Variants in EYS observed in about 807,000 individuals in gnomAD.
The protein encoded by EYS is EGF-like photoreceptor maintenance factor.
A neutral mutation model predicts 282.1 loss-of-function variants in EYS; 250 were observed. The observed-to-expected ratio is 0.89, with a 90% CI of 0.80 to 0.98. EYS has a LOEUF of 0.98. EYS is among the 50% of genes least tolerant of loss of function. The pLI, the probability that EYS is intolerant of heterozygous loss-of-function variation, is 0.00. For missense variants in EYS, 4,016 were observed against 3,709.0 expected (o/e 1.08, Z -2.15); for synonymous variants, 1,355 against 1,282.9 (o/e 1.06, Z -1.20).
intron 31 of EYS, among the ~76,000 whole-genome samples, chr6:64,213,211 CT>C (rs1393001154): frequency 6.6e-6 from 1 of 152,006 alleles, no homozygotes; most frequent in Non-Finnish European, 1.5e-5. Flanking sequence ...ACATGTACCC[CT>C]GAACTTAAAA....
chr6:64,682,944 C>T (rs1451615490), intron 22 of EYS, among the ~76,000 whole-genome samples: 2 of 152,124 alleles, frequency 1.3e-5, no homozygotes, highest in African/African-American at 2.4e-5. Context: ...GCCAGTAACT[C>T]GGATACCTAA....
chr6:63,805,796 A>G (rs1464665062), intron 37 of EYS, among the ~76,000 whole-genome samples: 5 of 152,146 alleles, frequency 3.3e-5, no homozygotes, highest in Non-Finnish European at 7.4e-5. Flanking sequence ...CCCCTTTACT[A>G]GGCACGTCTT....
At chr6:64,269,006 C>T (rs1285373046) in intron 30 of EYS, among the ~76,000 whole-genome samples, 4 of 152,088 alleles carry the variant, frequency 2.6e-5, no homozygotes, top group African/African-American at 9.7e-5. Context: ...AATATATCTT[C>T]CACTGGCTGA....
intron 12 of EYS, among the ~76,000 whole-genome samples, chr6:65,271,242 G>T (rs1175764432): frequency 6.7e-6 from 1 of 149,468 alleles, no homozygotes; most frequent in East Asian, 2.0e-4. Context: ...ACCCAGAAAA[G>T]TTGGTGGCAT....
intron 8 of EYS, among the ~76,000 whole-genome samples, chr6:65,363,996 G>A (rs1764814858): frequency 6.6e-6 from 1 of 150,406 alleles, no homozygotes; most frequent in South Asian, 2.1e-4. Flanking sequence ...AATTATTGGG[G>A]CTTTATAATT....
intron 12 of EYS, among the ~76,000 whole-genome samples, chr6:65,101,825 C>T (rs1408737914): frequency 6.6e-6 from 1 of 151,146 alleles, no homozygotes; most frequent in Admixed American, 6.6e-5. Context: ...CATTTACAGC[C>T]TGGTGCTGAC....
At chr6:64,906,997 T>C (rs56033852) in intron 16 of EYS, among the ~76,000 whole-genome samples, 8,541 of 152,244 alleles carry the variant, frequency 0.056, 399 homozygotes, top group African/African-American at 0.13. Context: ...TCATGCATTT[T>C]ATTTGAAGTC....
intron 35 of EYS, among the ~76,000 whole-genome samples, chr6:63,891,282 A>C (rs77074614): frequency 2.0e-5 from 3 of 152,196 alleles, no homozygotes; most frequent in African/African-American, 7.2e-5. Context: ...AGACACAGCA[A>C]AAAAAGATCA....
chr6:65,117,097 G>A (rs956781132), intron 12 of EYS, among the ~76,000 whole-genome samples: 1 of 152,194 alleles, frequency 6.6e-6, no homozygotes, highest in Non-Finnish European at 1.5e-5. Context: ...TTAATTGCCA[G>A]ACTGCAACTC....
chr6:65,131,369 C>A (rs1482657656), intron 12 of EYS, among the ~76,000 whole-genome samples: 1 of 151,692 alleles, frequency 6.6e-6, no homozygotes, highest in African/African-American at 2.4e-5. Context: ...TGAAATCATA[C>A]CAAAGACAAT....
chr6:64,055,930 G>A (rs1374787322), intron 33 of EYS, among the ~76,000 whole-genome samples: 2 of 152,086 alleles, frequency 1.3e-5, no homozygotes, highest in African/African-American at 4.8e-5. Context: ...GCCAGTAAGT[G>A]CGGATTGTAG....
rs751746614 is a variant in EYS, at chr6:63,864,243, C to T, written c.7171G>A (p.Gly2391Arg). The change falls in exon 36 of 43, where the codon GGA becomes AGA. Residue 2391 changes from glycine to arginine, a missense_variant. Transcript: ENST00000503581. Reference protein sequence around the residue: ...GNGATCVPKSGTDIVCLCPYG... With the variant: ...GNGATCVPKSRTDIVCLCPYG... The stretch of plus-strand genomic sequence containing the variant: ...GGGCAGAGGCAGACAATATCTGTTC[C>T]GGATTTTGGAACACAGGTGGCACCA... The T allele has an allele frequency of 9.2e-5, 142 of 1,550,810 alleles. No homozygotes were observed. Among genetic ancestry groups the T allele is most frequent in the Non-Finnish European group, 1.1e-4 (121 of 1,146,578 alleles).
intron 29 of EYS, among the ~76,000 whole-genome samples, chr6:64,385,400 T>C (rs1772875489): frequency 6.6e-6 from 1 of 152,124 alleles, no homozygotes; most frequent in Admixed American, 6.6e-5. Context: ...TGACATAAAA[T>C]CTTTCAACTA....
intron 12 of EYS, among the ~76,000 whole-genome samples, chr6:65,230,997 C>T (rs1450606658): frequency 1.3e-5 from 2 of 149,262 alleles, no homozygotes; most frequent in African/African-American, 2.4e-5. Flanking sequence ...AACAAACCTC[C>T]ATGATACTAG....
intron 26 of EYS, among the ~76,000 whole-genome samples, chr6:64,570,021 A>G (rs1765676276): frequency 6.6e-6 from 1 of 152,232 alleles, no homozygotes; most frequent in Non-Finnish European, 1.5e-5. Context: ...TGAAGGAAAA[A>G]AATGTTAAGA....
intron 41 of EYS, among the ~76,000 whole-genome samples, chr6:63,727,737 A>AGTATATATATATATATAT (rs1421811302): frequency 2.7e-5 from 1 of 36,738 alleles, no homozygotes. Context: ...AAAAAAAAAA[A>AGTATATATATATATATAT]ATATATATAT....
At chr6:64,806,249 A>C (rs995175716) in intron 22 of EYS, among the ~76,000 whole-genome samples, 44 of 151,794 alleles carry the variant, frequency 2.9e-4, no homozygotes, top group Non-Finnish European at 1.8e-4. Flanking sequence ...AAACTAATTA[A>C]CTTAAAGCTA....
At chr6:65,008,852 G>A (rs937093773) in intron 13 of EYS, among the ~76,000 whole-genome samples, 49 of 152,252 alleles carry the variant, frequency 3.2e-4, no homozygotes, top group African/African-American at 1.0e-3. Flanking sequence ...GGCCTTCTCA[G>A]TCTTACTCTC....
chr6:63,742,978 T>C (rs1769122469), intron 41 of EYS, among the ~76,000 whole-genome samples: 1 of 152,200 alleles, frequency 6.6e-6, no homozygotes, highest in Admixed American at 6.5e-5. Context: ...TTTTTTTCTG[T>C]ATAAATGTCC....
Sources: allele counts gnomAD v4.1 joint callset (sites outside exome capture counted in the v4.1 genomes callset), GRCh38; gene constraint gnomAD v4.1.1; transcripts MANE v1.5; gene names NCBI Gene and HGNC (gene_info 2026-07-23, HGNC 2026-07-21).